Variants in EPHX1 observed in about 807,000 individuals in gnomAD.
The protein encoded by EPHX1 is epoxide hydratase.
A neutral mutation model predicts 43.2 loss-of-function variants in EPHX1; 40 were observed. The ratio of observed to expected loss-of-function variants is 0.93; its 90% CI spans 0.72 to 1.21. EPHX1 has a LOEUF of 1.21. EPHX1 is among the 50% of genes most tolerant of loss of function. The pLI, the probability that EPHX1 is intolerant of heterozygous loss-of-function variation, is 0.00. For missense variants in EPHX1, 550 were observed against 570.4 expected (o/e 0.96, Z 0.36); for synonymous variants, 221 against 226.7 (o/e 0.98, Z 0.22).
intron 5 of EPHX1, 117 bp from the exon 6 acceptor site, chr1:225,839,712 A>T: frequency 8.7e-7 from 1 of 1,154,618 alleles, no homozygotes; most frequent in Non-Finnish European, 1.3e-6. Context: ...CCAGTGCTGA[A>T]AGAGGCTGGC....
In EPHX1 at chr1:225,845,428, G is replaced by T; in HGVS notation, c.*81G>T. 6.8e-7 allele frequency: 1 copy of T among 1,460,082 alleles called. No homozygotes were observed. The highest frequency in any genetic ancestry group is 9.2e-7 in the Non-Finnish European group (1 of 1,083,448). 90.4% of individuals were successfully genotyped at this position (1,460,082 alleles called of 1,614,324 possible). On this transcript the variant is annotated 3_prime_UTR_variant, in exon 9 of 9. Transcript: ENST00000272167. ...CTTGGGGAAGATACCCCTTTTCTGA[G>T]GAATGAGTTTGCCTCCGTCCCCTGC... is the stretch of plus-strand genomic sequence containing the variant.
intron 1 of EPHX1, among the ~76,000 whole-genome samples, chr1:225,818,998 C>G (rs12723313): frequency 2.0e-4 from 24 of 120,944 alleles, no homozygotes; most frequent in African/African-American, 2.8e-4. Flanking sequence ...GAGGCGGAGG[C>G]GGGCGGATCA....
chr1:225,834,113 A>G (rs1191542856), intron 3 of EPHX1, among the ~76,000 whole-genome samples: 465 of 13,554 alleles, frequency 0.034, 44 homozygotes, highest in Non-Finnish European at 0.049. Context: ...AAAAAAAAAG[A>G]AAAAAAAAAA....
At chr1:225,843,728 T>C (rs895097399) in intron 7 of EPHX1, among the ~76,000 whole-genome samples, 5 of 152,064 alleles carry the variant, frequency 3.3e-5, no homozygotes, top group Admixed American at 2.0e-4. Flanking sequence ...AGGGTGGAAA[T>C]GGTGGTCGTG....
Position 225,817,189 on chromosome 1 carries a change from G to C in EPHX1, c.-6+7020G>C, listed in dbSNP as rs1666764464. On this transcript the variant is annotated intron_variant, in intron 1 of 8. Transcript: ENST00000272167. This position sits in a 1 kb window ranked among gnomAD's most constrained non-coding sequence, Gnocchi z 5.7. ...CGGCCTCTTCCATCCTGAGTCTCCA[G>C]GGGTCCCTGGGGTTCAGGGACAATG... is the stretch of plus-strand genomic sequence containing the variant. 6.6e-6 allele frequency among the ~76,000 whole-genome samples: 1 copy of C among 152,166 alleles called. No individual in the cohort carries two copies. Among genetic ancestry groups the C allele is most frequent in the African/African-American group, 2.4e-5 (1 of 41,438 alleles).
chr1:225,836,098 TG>T (rs142231313), intron 3 of EPHX1, among the ~76,000 whole-genome samples: 9,908 of 152,272 alleles, frequency 0.065, 351 homozygotes, highest in Non-Finnish European at 0.076. Context: ...GTTCTATTTT[TG>T]TTAAAAGTTA....
In EPHX1 at chr1:225,845,501, C is replaced by A; in HGVS notation, c.*154C>A. Reference sequence around the variant, plus strand: ...CCCCCTCACCCCTCCAAGCTCACTCCCCAACCCCCAACTCCGTGTGGTAAG... The same window carrying A: ...CCCCCTCACCCCTCCAAGCTCACTCACCAACCCCCAACTCCGTGTGGTAAG... On this transcript the variant is annotated 3_prime_UTR_variant, in exon 9 of 9. Transcript: ENST00000272167. The A allele has an allele frequency of 1.4e-6, 1 of 698,518 alleles. No homozygotes were observed. The highest frequency in any genetic ancestry group is 1.8e-5 in the South Asian group (1 of 55,720). 43.3% of individuals were successfully genotyped at this position (698,518 alleles called of 1,614,324 possible).
chr1:225,811,352 T>C (rs1353947779), intron 1 of EPHX1, among the ~76,000 whole-genome samples: 2 of 152,110 alleles, frequency 1.3e-5, no homozygotes, highest in African/African-American at 4.8e-5. Context: ...CCTCCCATTG[T>C]TTAAACTTCA....
At chr1:225,832,766 A>C (rs886762377) in intron 3 of EPHX1, among the ~76,000 whole-genome samples, 4 of 152,112 alleles carry the variant, frequency 2.6e-5, no homozygotes, top group Non-Finnish European at 4.4e-5. Context: ...AAATGGTATC[A>C]CATTGTGGTT....
intron 1 of EPHX1, among the ~76,000 whole-genome samples, chr1:225,819,278 G>T (rs1002351052): frequency 6.7e-6 from 1 of 149,132 alleles, no homozygotes; most frequent in African/African-American, 2.5e-5. Context: ...GGTGGCATGC[G>T]CCTGTAGTCC....
chr1:225,838,698 G>A lies in EPHX1; in HGVS notation c.409G>A (p.Ala137Thr), dbSNP rs141157588. 35 of 1,613,948 alleles carry A rather than the reference G, an allele frequency of 2.2e-5. No individual in the cohort carries two copies. Among genetic ancestry groups the A allele is most frequent in the Admixed American group, 3.3e-5 (2 of 59,988 alleles). Residue 137 changes from alanine to threonine, a missense_variant, in exon 4 of 9, where the codon GCA (alanine) becomes ACA (threonine). Physicochemically the swap from Ala to Thr is moderately conservative, Grantham distance 58. Coordinates refer to ENST00000272167, the MANE Select transcript of EPHX1 (RefSeq NM_001136018.4). ...FIHVKPPQLP[A>T]GHTPKPLLMV... ...CCACGTGAAGCCCCCCCAGCTGCCC[G>A]CAGGCCATACCCCGAAGCCCTTGCT... is the stretch of plus-strand genomic sequence containing the variant.
Position 225,820,435 on chromosome 1 carries a change from AG to A in EPHX1, c.-5-8287del, listed in dbSNP as rs1265528072. On this transcript the variant is annotated intron_variant, in intron 1 of 8. Transcript: ENST00000272167. Reference sequence around the variant, plus strand: ...CTCTTTTCAGCATGTAATTTACAGAAGGGTAATCTGAATTGTAAACACGATT... The same window carrying A: ...CTCTTTTCAGCATGTAATTTACAGAAGGTAATCTGAATTGTAAACACGATT... 3.3e-5 allele frequency among the ~76,000 whole-genome samples: 5 copies of A among 152,300 alleles called. No homozygotes were observed. The East Asian group carries it at 5.8e-4, about 18-fold the overall frequency.
chr1:225,830,973 A>G (rs536600241), intron 2 of EPHX1, among the ~76,000 whole-genome samples: 1 of 152,340 alleles, frequency 6.6e-6, no homozygotes, highest in South Asian at 2.1e-4. Flanking sequence ...ATTATATAGC[A>G]GTCAGATTTC....
intron 1 of EPHX1, among the ~76,000 whole-genome samples, chr1:225,824,832 C>T (rs879674869): frequency 2.0e-5 from 3 of 152,172 alleles, no homozygotes; most frequent in African/African-American, 7.2e-5. Flanking sequence ...AACCCACCCC[C>T]ACACAGTCAA....
In EPHX1 at chr1:225,814,381, A is replaced by G. The variant is rs77879442; in HGVS notation, c.-6+4212A>G. Among the ~76,000 whole-genome samples, 1,381 of 152,352 alleles carry G rather than the reference A, an allele frequency of 9.1e-3. 27 individuals carry two copies. Among genetic ancestry groups the G allele is most frequent in the African/African-American group, 0.032 (1,317 of 41,580 alleles). ...AGACCCTGTCTCAAATAATTTTTAAAAAGAAAAACTACCTCTTCTTAAGAT... is the reference window on the plus strand; with the variant it reads ...AGACCCTGTCTCAAATAATTTTTAAGAAGAAAAACTACCTCTTCTTAAGAT... On this transcript the variant is annotated intron_variant, in intron 1 of 8. Coordinates refer to ENST00000272167, the MANE Select transcript of EPHX1 (RefSeq NM_001136018.4).
chr1:225,840,817 T>C (rs1242518911), intron 6 of EPHX1: 1 of 152,350 alleles, frequency 6.6e-6, no homozygotes, highest in African/African-American at 2.4e-5. Context: ...AGGAATTGTC[T>C]TGCCCATCTC....
chr1:225,819,393 T>C (rs1377836661), intron 1 of EPHX1, among the ~76,000 whole-genome samples: 1 of 149,590 alleles, frequency 6.7e-6, no homozygotes, highest in Admixed American at 6.7e-5. Context: ...AGAGAGAGAC[T>C]CCATCTAAAA....
At chr1:225,818,765 G>A (rs550054644) in intron 1 of EPHX1, among the ~76,000 whole-genome samples, 7 of 151,984 alleles carry the variant, frequency 4.6e-5, no homozygotes, top group Admixed American at 2.6e-4. Context: ...TAAGGGTTTC[G>A]CAGGGGATGG....
intron 3 of EPHX1, among the ~76,000 whole-genome samples, chr1:225,836,977 C>T (rs917746503): frequency 2.6e-5 from 4 of 152,190 alleles, no homozygotes; most frequent in Non-Finnish European, 5.9e-5. Flanking sequence ...AATCAATGGA[C>T]TTTATAGTTA....
Sources: gnomAD v4.1 joint callset for allele counts (sites outside exome capture counted in the v4.1 genomes callset) on GRCh38, gnomAD v4.1.1 for gene constraint, Gnocchi (gnomAD v3.1) non-coding constraint, MANE v1.5 for transcripts, NCBI Gene and HGNC (gene_info 2026-07-23, HGNC 2026-07-21) for gene names.